The following WWOX variants were observed in gnomAD, a reference collection of about 807,000 sequenced individuals.
The protein encoded by WWOX is WW domain containing oxidoreductase.
In WWOX, 69 loss-of-function variants were observed where a neutral mutation model predicts 46.2. The observed-to-expected ratio is 1.49, with a 90% CI of 1.23 to 1.82. WWOX has a LOEUF of 1.82. WWOX is among the 40% of genes most tolerant of loss of function. The probability of loss-of-function intolerance (pLI) is 0.00; values close to 1 mark genes in which losing one functional copy is unlikely to be tolerated. For missense variants in WWOX, 919 were observed against 542.6 expected, an observed-to-expected ratio of 1.69 and a Z score of -6.89; for synonymous variants, 359 against 202.6, an observed-to-expected ratio of 1.77 and a Z score of -6.56.
chr16:78,351,436 GC>G (rs1193579489), intron 5 of WWOX, among the ~76,000 whole-genome samples: 1 of 152,164 alleles, frequency 6.6e-6, no homozygotes, highest in African/African-American at 2.4e-5. Context: ...ACCTTGCCTG[GC>G]CCCCAGGGAT....
intron 5 of WWOX, among the ~76,000 whole-genome samples, chr16:78,327,266 A>G (rs919731081): frequency 3.3e-5 from 5 of 152,232 alleles, no homozygotes; most frequent in Admixed American, 6.5e-5. Context: ...CTCTGTCATC[A>G]TATGACAGGC....
At chr16:78,131,776 G>C (rs1402248788) in intron 4 of WWOX, among the ~76,000 whole-genome samples, 3 of 151,436 alleles carry the variant, frequency 2.0e-5, no homozygotes, top group Non-Finnish European at 4.4e-5. Context: ...AGTAGAGATG[G>C]GGTTTCACCA....
intron 8 of WWOX, among the ~76,000 whole-genome samples, chr16:78,461,723 C>G (rs1214391097): frequency 3.3e-5 from 5 of 152,190 alleles, no homozygotes; most frequent in Admixed American, 2.0e-4. Context: ...TGGACATGCC[C>G]TATGAATTAT....
At chr16:78,184,996 C>T (rs986886032) in intron 5 of WWOX, among the ~76,000 whole-genome samples, 2 of 152,174 alleles carry the variant, frequency 1.3e-5, no homozygotes, top group African/African-American at 4.8e-5. Context: ...GCCACCGGGG[C>T]CCACAGAGCA....
rs545796585 is a variant in WWOX at position 78,759,903 on chromosome 16, C to T, written c.1056+327151C>T. 1.4e-4 allele frequency among the ~76,000 whole-genome samples: 21 copies of T among 152,280 alleles called. No individual in the cohort carries two copies. In the South Asian group the frequency reaches 3.5e-3, roughly 26 times the overall value. On this transcript the variant is annotated intron_variant, in intron 8 of 8. Coordinates refer to ENST00000566780, the MANE Select transcript of WWOX (RefSeq NM_016373.4). ...GAGGCTGCTGGCATTTTTCAGCTCA[C>T]GGCCACAGCACTCTAATCTCTGCTT...
chr16:78,252,223 A>G (rs1392737359), intron 5 of WWOX, among the ~76,000 whole-genome samples: 1 of 152,224 alleles, frequency 6.6e-6, no homozygotes, highest in African/African-American at 2.4e-5. Context: ...CAGATGGGTT[A>G]GAATGGACAG....
At chr16:78,825,782 G>A in intron 8 of WWOX, 1 of 591,656 alleles carries the variant, frequency 1.7e-6, no homozygotes, top group Non-Finnish European at 3.2e-6. Context: ...GTACATTGAT[G>A]CTGTTGTGTG....
rs952884807 is a variant in WWOX, at chr16:78,108,599, A to G, written c.172+112A>G. On this transcript the variant is annotated intron_variant, in intron 2 of 8. Coordinates refer to ENST00000566780, the MANE Select transcript of WWOX (RefSeq NM_016373.4). Reference sequence around the variant, plus strand: ...GTGTTTAGGGAGGGCTCTCTGGTAGAGAACCAGACTCCCACTCTGAGGAGC... The same window carrying G: ...GTGTTTAGGGAGGGCTCTCTGGTAGGGAACCAGACTCCCACTCTGAGGAGC... 6 of 1,164,820 alleles carry G rather than the reference A, an allele frequency of 5.2e-6. No individual in the cohort carries two copies. The East Asian group carries it at 7.5e-5, about 15-fold the overall frequency. The allele number at this position is 1,164,820 out of a possible 1,614,324, so 72.2% of individuals were successfully genotyped here.
rs1204688571 is a variant in WWOX at position 78,114,836 on chromosome 16, G to T, written c.231-140G>T. The T allele has an allele frequency of 4.8e-6, 5 of 1,032,998 alleles. 1 individual carries two copies. Among genetic ancestry groups the T allele is most frequent in the Non-Finnish European group, 4.2e-6 (3 of 707,684 alleles). The allele number at this position is 1,032,998 out of a possible 1,614,324, so 64.0% of individuals were successfully genotyped here. ...TTCTGGAGGCCAGAAGATAGATTCA[G>T]TGGGCCCCAGTTCTTTCAGGTTTAA... is the stretch of plus-strand genomic sequence containing the variant. On this transcript the variant is annotated intron_variant, in intron 3 of 8. Transcript: ENST00000566780.
Position 78,345,083 on chromosome 16 carries a change from A to G in WWOX, c.517-41777A>G, listed in dbSNP as rs1219343557. Among the ~76,000 whole-genome samples the G allele has an allele frequency of 2.5e-5, 3 of 118,702 alleles. 1 individual carries two copies. Among genetic ancestry groups the G allele is most frequent in the Non-Finnish European group, 6.0e-5 (3 of 50,036 alleles). 77.9% of individuals were successfully genotyped at this position (118,702 alleles called of 152,430 possible). A position where few individuals can be genotyped will look rare whatever the true frequency, so the allele number is the denominator to read the frequency against. On this transcript the variant is annotated intron_variant, in intron 5 of 8. Coordinates refer to ENST00000566780, the MANE Select transcript of WWOX (RefSeq NM_016373.4). The stretch of plus-strand genomic sequence containing the variant: ...TAAAGTACCTAGGAGATTGTCCTGG[A>G]TGTCGTTTTCTCATAAAGTTGACTA...
At chr16:78,117,438 T>G (rs2032855361) in intron 4 of WWOX, among the ~76,000 whole-genome samples, 1 of 152,186 alleles carries the variant, frequency 6.6e-6, no homozygotes, top group African/African-American at 2.4e-5. Flanking sequence ...ATTTTTATTC[T>G]GAATTTTTGA....
intron 8 of WWOX, among the ~76,000 whole-genome samples, chr16:79,139,946 A>G (rs1359096017): frequency 2.0e-5 from 3 of 152,190 alleles, no homozygotes; most frequent in African/African-American, 7.2e-5. Flanking sequence ...GGACTTGTAC[A>G]TTTCTGATCA....
chr16:78,418,808 G>T (rs183975872), intron 6 of WWOX, among the ~76,000 whole-genome samples: 223 of 152,104 alleles, frequency 1.5e-3, no homozygotes, highest in Middle Eastern at 3.4e-3. Flanking sequence ...TCAATAAAGG[G>T]CATCTGCAAA....
chr16:78,239,187 A>G (rs1055701119), intron 5 of WWOX, among the ~76,000 whole-genome samples: 2 of 151,988 alleles, frequency 1.3e-5, no homozygotes, highest in African/African-American at 2.4e-5. Flanking sequence ...CATTTCTCCC[A>G]CGGCTTCTCC....
intron 5 of WWOX, among the ~76,000 whole-genome samples, chr16:78,320,900 T>C (rs1166461099): frequency 2.6e-5 from 4 of 152,208 alleles, no homozygotes; most frequent in African/African-American, 9.6e-5. Flanking sequence ...CATGTGTTTC[T>C]GAAGCTGTTG....
intron 8 of WWOX, among the ~76,000 whole-genome samples, chr16:79,189,099 G>A (rs988246804): frequency 6.6e-6 from 1 of 152,148 alleles, no homozygotes; most frequent in Non-Finnish European, 1.5e-5. Flanking sequence ...ACAAAAACTT[G>A]TCTGCTAGAA....
At chr16:78,111,178 T>C (rs941588547) in intron 3 of WWOX, among the ~76,000 whole-genome samples, 3 of 152,192 alleles carry the variant, frequency 2.0e-5, no homozygotes, top group Non-Finnish European at 2.9e-5. Flanking sequence ...CTACAATTTC[T>C]ACTTTCATTT....
At chr16:78,504,252 G>C (rs1490423840) in intron 8 of WWOX, among the ~76,000 whole-genome samples, 1 of 152,178 alleles carries the variant, frequency 6.6e-6, no homozygotes, top group East Asian at 1.9e-4. Flanking sequence ...TGGCTCTTTG[G>C]CAAGTCTAGA....
intron 8 of WWOX, among the ~76,000 whole-genome samples, chr16:78,851,709 A>T (rs2052448429): frequency 6.6e-6 from 1 of 152,300 alleles, no homozygotes; most frequent in African/African-American, 2.4e-5. Context: ...ATATAAAACA[A>T]TTTTTTATTT....
Sources: allele counts gnomAD v4.1 joint callset (sites outside exome capture counted in the v4.1 genomes callset), GRCh38; gene constraint gnomAD v4.1.1; transcripts MANE v1.5; gene names NCBI Gene and HGNC (gene_info 2026-07-23, HGNC 2026-07-21).